PDE1A: variants seen among roughly 807,000 people sequenced by gnomAD.
The protein encoded by PDE1A is dual specificity calcium/calmodulin-dependent 3',5'-cyclic nucleotide phosphodiesterase 1A.
Under a neutral mutation model 61.7 loss-of-function variants are expected in PDE1A, and 35 were observed. The ratio of observed to expected loss-of-function variants is 0.57; its 90% CI spans 0.43 to 0.75. The LOEUF (loss-of-function observed/expected upper bound fraction) is 0.75. Among genes scored for constraint, PDE1A ranks in the 30% least tolerant of loss-of-function variants. PDE1A has a pLI of 0.00. For missense variants in PDE1A, 597 were observed against 630.6 expected, an observed-to-expected ratio of 0.95 and a Z score of 0.57; for synonymous variants, 232 against 213.2, an observed-to-expected ratio of 1.09 and a Z score of -0.77.
At chr2:182,668,293 T>C in the PDE1A span, among the ~76,000 whole-genome samples, 3 of 152,012 alleles carry the variant, frequency 2.0e-5, no homozygotes, top group Non-Finnish European at 4.4e-5. Context: ...ACAGGAGATA[T>C]GGGGCAGGCA....
At chr2:182,544,040 T>C in the PDE1A span, among the ~76,000 whole-genome samples, 2 of 152,214 alleles carry the variant, frequency 1.3e-5, no homozygotes, top group Admixed American at 1.3e-4. Context: ...TAGTGGTCTC[T>C]GTATTTTTCA....
At chr2:182,528,951 A>T in the PDE1A span, among the ~76,000 whole-genome samples, 1 of 152,196 alleles carries the variant, frequency 6.6e-6, no homozygotes, top group African/African-American at 2.4e-5. Flanking sequence ...TCCAAACAGA[A>T]GTTTGCTGCT....
intron 2 of PDE1A, among the ~76,000 whole-genome samples, chr2:182,469,774 C>T (rs1294720486): frequency 6.6e-6 from 1 of 151,816 alleles, no homozygotes; most frequent in East Asian, 1.9e-4. Flanking sequence ...TTCACTTGAA[C>T]ATTTAGAGGC....
intron 2 of PDE1A, among the ~76,000 whole-genome samples, chr2:182,520,650 T>A (rs1011176394): frequency 1.8e-4 from 28 of 152,062 alleles, no homozygotes; most frequent in African/African-American, 6.0e-4. Context: ...TAAAGACATA[T>A]GCATAAATCC....
At chr2:182,445,682 T>G (rs921934619) in intron 2 of PDE1A, among the ~76,000 whole-genome samples, 5 of 152,122 alleles carry the variant, frequency 3.3e-5, no homozygotes, top group African/African-American at 1.2e-4. Flanking sequence ...ATATTATTAT[T>G]TGGAAAAGTT....
intron 1 of PDE1A, among the ~76,000 whole-genome samples, chr2:182,310,119 G>T (rs929160256): frequency 6.6e-6 from 1 of 152,038 alleles, no homozygotes; most frequent in Non-Finnish European, 1.5e-5. Flanking sequence ...CAAAACCAGG[G>T]CTTAATTTCA....
intron 13 of PDE1A, among the ~76,000 whole-genome samples, chr2:182,155,544 T>A (rs1187403593): frequency 3.3e-5 from 5 of 152,210 alleles, no homozygotes; most frequent in Non-Finnish European, 5.9e-5. Flanking sequence ...CTCTAGGAAA[T>A]TGATATGGTT....
chr2:182,573,651 T>C, the PDE1A span, among the ~76,000 whole-genome samples: 1 of 151,892 alleles, frequency 6.6e-6, no homozygotes, highest in Non-Finnish European at 1.5e-5. Flanking sequence ...AAATCGTTAG[T>C]AATTTCTTAG....
chr2:182,554,729 T>C, the PDE1A span, among the ~76,000 whole-genome samples: 1 of 152,216 alleles, frequency 6.6e-6, no homozygotes, highest in Non-Finnish European at 1.5e-5. Context: ...TCATTATTTT[T>C]AGTCATGTCA....
intron 1 of PDE1A, among the ~76,000 whole-genome samples, chr2:182,296,321 G>T (rs1215280263): frequency 6.6e-6 from 1 of 152,136 alleles, no homozygotes; most frequent in Non-Finnish European, 1.5e-5. Context: ...ATACATATAG[G>T]ACAGTGGGGA....
In PDE1A at chr2:182,498,069, AAAG is replaced by A. The variant is rs1284023099; in HGVS notation, c.101+24204_101+24206del. Among the ~76,000 whole-genome samples the A allele has an allele frequency of 2.1e-4, 31 of 150,198 alleles. 1 individual carries two copies. The highest frequency in any genetic ancestry group is 4.1e-4 in the Non-Finnish European group (28 of 67,492). Reference sequence around the variant, plus strand: ...TCAAAAAAAAAAAAAAAAAAAAAAAAAAGACTGAGCACCCACCACACTGTTATG... The same window carrying A: ...TCAAAAAAAAAAAAAAAAAAAAAAAAACTGAGCACCCACCACACTGTTATG... On this transcript the variant is annotated intron_variant, in intron 2 of 14. Transcript: ENST00000410103.
At chr2:182,443,803 A>C (rs1382172615) in intron 2 of PDE1A, among the ~76,000 whole-genome samples, 1 of 147,996 alleles carries the variant, frequency 6.8e-6, no homozygotes, top group Non-Finnish European at 1.5e-5. Flanking sequence ...TCCTGGGTTC[A>C]AGCTATTCTC....
At chr2:182,186,075 T>G in exon 13 of PDE1A, 1 of 1,613,462 alleles carries the variant, frequency 6.2e-7, no homozygotes, top group South Asian at 1.1e-5. Context: ...ACAATGGTGG[T>G]TGAGCTAACA....
At chr2:182,659,117 T>C in the PDE1A span, among the ~76,000 whole-genome samples, 1 of 152,156 alleles carries the variant, frequency 6.6e-6, no homozygotes, top group Non-Finnish European at 1.5e-5. Flanking sequence ...CATCCATCTC[T>C]CTATTTGTAA....
At chr2:182,561,566 A>C in the PDE1A span, among the ~76,000 whole-genome samples, 1 of 152,162 alleles carries the variant, frequency 6.6e-6, no homozygotes, top group East Asian at 1.9e-4. Flanking sequence ...TATGAACTTT[A>C]AAGTAGTTTT....
chr2:182,178,110 A>G (rs1048008462), intron 13 of PDE1A, among the ~76,000 whole-genome samples: 2 of 152,196 alleles, frequency 1.3e-5, no homozygotes, highest in African/African-American at 4.8e-5. Context: ...TTGTTATAAC[A>G]GGCTCATGCC....
At chr2:182,156,874 A>T (rs1691110191) in intron 13 of PDE1A, among the ~76,000 whole-genome samples, 1 of 152,130 alleles carries the variant, frequency 6.6e-6, no homozygotes, top group South Asian at 2.1e-4. Context: ...ATTTTATTTA[A>T]AATCCAGTAT....
chr2:182,639,975 T>G, the PDE1A span, among the ~76,000 whole-genome samples: 1 of 95,956 alleles, frequency 1.0e-5, no homozygotes, highest in East Asian at 2.9e-4. Flanking sequence ...TATTCCTGTT[T>G]AAAGGATGTT....
At chr2:182,513,117 A>G (rs1689913212) in intron 2 of PDE1A, among the ~76,000 whole-genome samples, 2 of 152,172 alleles carry the variant, frequency 1.3e-5, no homozygotes, top group South Asian at 4.1e-4. Context: ...GAGATACTAT[A>G]CAAGATGACC....
Sources: allele counts gnomAD v4.1 joint callset (sites outside exome capture counted in the v4.1 genomes callset), GRCh38; gene constraint gnomAD v4.1.1; transcripts MANE v1.5; gene names NCBI Gene and HGNC (gene_info 2026-07-23, HGNC 2026-07-21).